Variants in NBEA observed in about 807,000 individuals in gnomAD.
NBEA encodes neurobeachin.
NBEA carries 44 observed loss-of-function variants against 343.4 expected under a neutral mutation model. The ratio of observed to expected loss-of-function variants is 0.13; its 90% confidence interval spans 0.10 to 0.16. The LOEUF (loss-of-function observed/expected upper bound fraction) is 0.16, where lower values mean the gene tolerates loss of function less well. Ranked by LOEUF, NBEA falls within the 10% of genes least tolerant of loss-of-function variation. The pLI is 1.00. For missense variants in NBEA, 2,555 were observed against 3,631.3 expected (o/e 0.70, Z 7.62); for synonymous variants, 1,175 against 1,238.7 (o/e 0.95, Z 1.08).
At chr13:34,960,386 GTTTAC>G (rs576117414) in intron 1 of NBEA, among the ~76,000 whole-genome samples, 27 of 152,142 alleles carry the variant, frequency 1.8e-4, no homozygotes, top group African/African-American at 6.0e-4. Context: ...AGTAAGCTAA[GTTTAC>G]TTTAATATTA....
chr13:35,582,397 A>G (rs1429160784), intron 45 of NBEA, among the ~76,000 whole-genome samples: 1 of 152,188 alleles, frequency 6.6e-6, no homozygotes, highest in Non-Finnish European at 1.5e-5. Flanking sequence ...CAATAATGTA[A>G]TTATGTTGTT....
intron 48 of NBEA, among the ~76,000 whole-genome samples, chr13:35,607,930 T>C (rs1005507906): frequency 6.6e-6 from 1 of 152,140 alleles, no homozygotes; most frequent in African/African-American, 2.4e-5. Flanking sequence ...AAATCTACTT[T>C]ATATCTCCAT....
At chr13:35,555,228 C>A in intron 44 of NBEA, 126 bp downstream of exon 44, 1 of 522,908 alleles carries the variant, frequency 1.9e-6, no homozygotes, top group South Asian at 3.2e-5. Context: ...TTTTGAAGCA[C>A]TCACATTAAA....
chr13:35,050,345 A>C lies in NBEA; in HGVS notation c.922A>C (p.Lys308Gln). The C allele has an allele frequency of 6.2e-7, 1 of 1,609,186 alleles. No homozygotes were observed. The highest frequency in any genetic ancestry group is 8.5e-7 in the Non-Finnish European group (1 of 1,178,094). The change falls in exon 6 of 59, where the codon AAA (lysine) becomes CAA (glutamine). Residue 308 changes from lysine to glutamine, a missense_variant. Physicochemically the swap from Lys to Gln is moderately conservative, Grantham distance 53. Around this residue, in one of 21 missense-constraint regions of NBEA, gnomAD observed 75 missense variants for 237.4 expected, o/e 0.32. Transcript: ENST00000379939. ...TTTAATAGTCACATCATTGAAGTCC[A>C]AAGGAAAAGGTTTTCAGCATTGTGT... Reference protein sequence around the residue: ...NCLIVTSLKSKGKGFQHCVKY... With the variant: ...NCLIVTSLKSQGKGFQHCVKY...
intron 36 of NBEA, among the ~76,000 whole-genome samples, chr13:35,310,638 C>T (rs953807679): frequency 6.6e-6 from 1 of 152,156 alleles, no homozygotes; most frequent in African/African-American, 2.4e-5. Context: ...ACAGACGTAG[C>T]TGTCACCATG....
chr13:35,147,350 G>A (rs1189523651), intron 18 of NBEA, among the ~76,000 whole-genome samples: 1 of 152,170 alleles, frequency 6.6e-6, no homozygotes, highest in African/African-American at 2.4e-5. Flanking sequence ...GAGTGAGAAA[G>A]CCCAGAATTC....
intron 38 of NBEA, among the ~76,000 whole-genome samples, chr13:35,431,383 G>A (rs1418172014): frequency 6.6e-6 from 1 of 151,942 alleles, no homozygotes; most frequent in Non-Finnish European, 1.5e-5. Flanking sequence ...CAGAAAAATT[G>A]ACGTCTTAAG....
chr13:35,523,708 T>G (rs1435516085), intron 41 of NBEA, among the ~76,000 whole-genome samples: 1 of 152,214 alleles, frequency 6.6e-6, no homozygotes, highest in Non-Finnish European at 1.5e-5. Context: ...CCCTTCTATA[T>G]CAGTTATTAT....
rs1342896188 is a variant in NBEA at position 35,117,511 on chromosome 13, A to G, written c.2082+18A>G. 7.9e-6 allele frequency: 9 copies of G among 1,145,432 alleles called. No individual in the cohort carries two copies. The highest frequency in any genetic ancestry group is 3.2e-5 in the African/African-American group (2 of 61,888). 71.0% of individuals were successfully genotyped at this position (1,145,432 alleles called of 1,614,324 possible). ...TACTAAAGGTAAAATAATTTTATATAATTTAAAATAATAGTATATTAGGTA... is the reference window on the plus strand; with the variant it reads ...TACTAAAGGTAAAATAATTTTATATGATTTAAAATAATAGTATATTAGGTA... On this transcript the variant is annotated intron_variant, in intron 14 of 58. Coordinates refer to ENST00000379939, the MANE Select transcript of NBEA (RefSeq NM_001385012.1).
rs144475581 is a variant in NBEA, at chr13:35,658,576, C to G, written c.8362+2827C>G. ...CAAGAATCTACTTTTATACTGATCACAAACTGTTTCTCCTGCTTGGATATA... is the reference window on the plus strand; with the variant it reads ...CAAGAATCTACTTTTATACTGATCAGAAACTGTTTCTCCTGCTTGGATATA... On this transcript the variant is annotated intron_variant, in intron 55 of 58. Transcript: ENST00000379939. 1.8e-4 allele frequency among the ~76,000 whole-genome samples: 27 copies of G among 152,214 alleles called. No individual in the cohort carries two copies. In the East Asian group the frequency reaches 4.6e-3, roughly 26 times the overall value.
At chr13:35,582,785 A>G (rs1234784177) in intron 45 of NBEA, among the ~76,000 whole-genome samples, 1 of 152,170 alleles carries the variant, frequency 6.6e-6, no homozygotes, top group East Asian at 1.9e-4. Context: ...TGATGACCTC[A>G]TTGTGTTATT....
intron 1 of NBEA, among the ~76,000 whole-genome samples, chr13:35,009,679 T>C (rs2061421236): frequency 6.6e-6 from 1 of 152,166 alleles, no homozygotes; most frequent in Admixed American, 6.5e-5. Flanking sequence ...CATGATCTGC[T>C]TAGCACTCAC....
chr13:35,484,057 A>G lies in NBEA; in HGVS notation c.6585+11521A>G, dbSNP rs1402852450. On this transcript the variant is annotated intron_variant, in intron 41 of 58. Coordinates refer to ENST00000379939, the MANE Select transcript of NBEA (RefSeq NM_001385012.1). ...CTTAACAGTTTTTGATAATACCTGAAGAGACTGTACCTAAATGGATTTTTA... is the reference window on the plus strand; with the variant it reads ...CTTAACAGTTTTTGATAATACCTGAGGAGACTGTACCTAAATGGATTTTTA... Among the ~76,000 whole-genome samples the G allele has an allele frequency of 2.0e-5, 3 of 152,086 alleles. 1 individual carries two copies. The highest frequency in any genetic ancestry group is 2.0e-4 in the Admixed American group (3 of 15,244).
At chr13:35,553,765 T>G (rs994798461) in intron 43 of NBEA, among the ~76,000 whole-genome samples, 2 of 152,138 alleles carry the variant, frequency 1.3e-5, no homozygotes, top group Admixed American at 1.3e-4. Flanking sequence ...TCCTGCGATA[T>G]CACAGTGAAT....
chr13:35,148,346 C>T (rs538869506), intron 18 of NBEA, among the ~76,000 whole-genome samples: 1 of 152,258 alleles, frequency 6.6e-6, no homozygotes, highest in East Asian at 1.9e-4. Flanking sequence ...GGTCACTTGA[C>T]ACTACAGAGT....
intron 1 of NBEA, among the ~76,000 whole-genome samples, chr13:34,990,978 A>G (rs2060730970): frequency 6.6e-6 from 1 of 152,224 alleles, no homozygotes; most frequent in African/African-American, 2.4e-5. Flanking sequence ...GAATGCCTTC[A>G]GCCTCTTTGT....
rs1311866068 is a variant in NBEA at position 35,159,933 on chromosome 13, T to G, written c.3762T>G (p.Asn1254Lys). The G allele has an allele frequency of 6.3e-7, 1 of 1,594,092 alleles. No homozygotes were observed. The highest frequency in any genetic ancestry group is 1.1e-5 in the South Asian group (1 of 87,994). The part of the protein sequence containing the change: ...TESSSSKIVP[N>K]IDAGSIISDT... Reference sequence around the variant, plus strand: ...CTTCTAGTAGCAAAATTGTACCAAATATTGATGCAGGAAGTATAATTTCAG... The same window carrying G: ...CTTCTAGTAGCAAAATTGTACCAAAGATTGATGCAGGAAGTATAATTTCAG... Residue 1254 changes from asparagine (N) to lysine (K), a missense_variant, in exon 22 of 59, where the codon AAT becomes AAG. By Grantham distance (94) the Asn-to-Lys change is moderately conservative (BLOSUM62 0). Coordinates refer to ENST00000379939, the MANE Select transcript of NBEA (RefSeq NM_001385012.1).
At chr13:35,598,038 C>G (rs1187792990) in intron 47 of NBEA, among the ~76,000 whole-genome samples, 3 of 152,164 alleles carry the variant, frequency 2.0e-5, no homozygotes, top group Non-Finnish European at 4.4e-5. Context: ...CCCCACAAGT[C>G]CCATCCCAGT....
intron 1 of NBEA, among the ~76,000 whole-genome samples, chr13:34,967,999 G>T (rs867067359): frequency 6.6e-6 from 1 of 152,022 alleles, no homozygotes; most frequent in Non-Finnish European, 1.5e-5. Context: ...CTGCTCAACT[G>T]ACCACAAATT....
Sources: gnomAD v4.1 joint callset for allele counts (sites outside exome capture counted in the v4.1 genomes callset) on GRCh38, gnomAD v4.1.1 for gene constraint, gnomAD v4.1.1 regional missense constraint, MANE v1.5 for transcripts, NCBI Gene and HGNC (gene_info 2026-07-23, HGNC 2026-07-21) for gene names.